The following RAP1A variants were observed in gnomAD, a reference collection of about 807,000 sequenced individuals.
The protein encoded by RAP1A is ras-related protein Rap-1A.
A neutral mutation model predicts 26.4 loss-of-function variants in RAP1A; 6 were observed. The ratio of observed to expected loss-of-function variants is 0.23; its 90% CI spans 0.12 to 0.45. The LOEUF is 0.45. RAP1A is among the 20% of genes least tolerant of loss of function. The pLI is 0.99. For missense variants in RAP1A, 121 were observed against 217.2 expected (o/e 0.56, Z 2.78); for synonymous variants, 73 against 79.4 (o/e 0.92, Z 0.43).
At chr1:111,685,355 A>T (rs1260073146) in intron 1 of RAP1A, among the ~76,000 whole-genome samples, 1 of 152,176 alleles carries the variant, frequency 6.6e-6, no homozygotes, top group Non-Finnish European at 1.5e-5. Flanking sequence ...AGAATGGGAG[A>T]AAATTTTTGC....
intron 1 of RAP1A, chr1:111,600,133 A>G (rs1327501334): frequency 6.6e-6 from 1 of 152,284 alleles, no homozygotes; most frequent in African/African-American, 2.4e-5. Flanking sequence ...ATCTTTTTAA[A>G]AAAGTTACTC....
At chr1:111,617,960 T>C (rs1056955929), upstream of RAP1A, among the ~76,000 whole-genome samples, 3 of 151,266 alleles carry the variant, frequency 2.0e-5, no homozygotes, top group African/African-American at 7.3e-5. Flanking sequence ...GGAGAATCGC[T>C]CGAACCAGGG....
intron 1 of RAP1A, among the ~76,000 whole-genome samples, chr1:111,630,851 C>A (rs1185178390): frequency 1.3e-5 from 2 of 152,154 alleles, no homozygotes; most frequent in Non-Finnish European, 2.9e-5. Context: ...ATCATTATTT[C>A]TCTTTATGGG....
At chr1:111,696,096 C>G (rs766963085) in intron 3 of RAP1A, among the ~76,000 whole-genome samples, 1 of 151,872 alleles carries the variant, frequency 6.6e-6, no homozygotes, top group African/African-American at 2.4e-5. Context: ...CTAATAAAGT[C>G]TATTTAAAAG....
intron 1 of RAP1A, among the ~76,000 whole-genome samples, chr1:111,656,127 A>G (rs1398933511): frequency 6.6e-6 from 1 of 152,216 alleles, no homozygotes; most frequent in Non-Finnish European, 1.5e-5. Flanking sequence ...TGACATGCCC[A>G]GCAAGAAGGA....
At chr1:111,624,472 TCTC>T (rs1659331658) in intron 1 of RAP1A, among the ~76,000 whole-genome samples, 1 of 152,228 alleles carries the variant, frequency 6.6e-6, no homozygotes, top group Non-Finnish European at 1.5e-5. Context: ...ATTCTCTCAG[TCTC>T]CTGCACACAG....
intron 1 of RAP1A, among the ~76,000 whole-genome samples, chr1:111,552,479 A>G (rs1201633326): frequency 1.3e-5 from 2 of 152,114 alleles, no homozygotes; most frequent in East Asian, 3.9e-4. Flanking sequence ...TTTTTGGCAA[A>G]TTTGTAGTTG....
At chr1:111,666,283 ACT>A (rs1660793290) in intron 1 of RAP1A, among the ~76,000 whole-genome samples, 1 of 152,090 alleles carries the variant, frequency 6.6e-6, no homozygotes, top group Non-Finnish European at 1.5e-5. Context: ...CAGAATGATG[ACT>A]CTTCTCAAAT....
chr1:111,685,465 A>G (rs1241148513), intron 1 of RAP1A, among the ~76,000 whole-genome samples: 2 of 152,252 alleles, frequency 1.3e-5, no homozygotes, highest in Admixed American at 6.5e-5. Context: ...TAGGCGAAAG[A>G]CATGAACAGA....
At chr1:111,623,441 C>T (rs1306708607) in intron 1 of RAP1A, among the ~76,000 whole-genome samples, 1 of 152,126 alleles carries the variant, frequency 6.6e-6, no homozygotes, top group African/African-American at 2.4e-5. Context: ...GAGTCTTGCT[C>T]TGTCACCCAG....
At chr1:111,688,941 TCTC>T (rs1557893293) in intron 1 of RAP1A, among the ~76,000 whole-genome samples, 1 of 151,832 alleles carries the variant, frequency 6.6e-6, no homozygotes, top group Admixed American at 6.6e-5. Flanking sequence ...CTCAAGGGGT[TCTC>T]CTACCTCAGC....
At chr1:111,689,415 G>A (rs1661600312) in intron 1 of RAP1A, among the ~76,000 whole-genome samples, 1 of 151,332 alleles carries the variant, frequency 6.6e-6, no homozygotes, top group African/African-American at 2.4e-5. Flanking sequence ...CTGTTGCTGT[G>A]TCTTCAGATC....
chr1:111,711,944 G>C (rs1342718116), intron 7 of RAP1A, among the ~76,000 whole-genome samples: 4 of 152,092 alleles, frequency 2.6e-5, no homozygotes, highest in Admixed American at 2.6e-4. Context: ...AGCTCTTTCT[G>C]TATCATCCCT....
intron 1 of RAP1A, among the ~76,000 whole-genome samples, chr1:111,668,491 C>A (rs1381680027): frequency 3.3e-5 from 5 of 152,098 alleles, no homozygotes. Context: ...GTTAATTAAT[C>A]CTCACAAAAA....
chr1:111,623,327 C>A (rs1659282000), intron 1 of RAP1A, among the ~76,000 whole-genome samples: 1 of 151,864 alleles, frequency 6.6e-6, no homozygotes, highest in South Asian at 2.1e-4. Flanking sequence ...TGGCTGGCAA[C>A]AAAGGAATTT....
At chr1:111,665,817 C>A (rs1660783676) in intron 1 of RAP1A, among the ~76,000 whole-genome samples, 1 of 152,100 alleles carries the variant, frequency 6.6e-6, no homozygotes, top group Non-Finnish European at 1.5e-5. Context: ...TAGAAGCATT[C>A]CCAGTATTAA....
At chr1:111,623,393 T>C (rs1260143658) in intron 1 of RAP1A, among the ~76,000 whole-genome samples, 1 of 151,796 alleles carries the variant, frequency 6.6e-6, no homozygotes, top group Non-Finnish European at 1.5e-5. Context: ...TTTAGAATAT[T>C]ATAGCTGTGA....
At chr1:111,624,253 A>T (rs1659321120) in intron 1 of RAP1A, among the ~76,000 whole-genome samples, 1 of 152,256 alleles carries the variant, frequency 6.6e-6, no homozygotes, top group Non-Finnish European at 1.5e-5. Flanking sequence ...AAAGATTAGC[A>T]TTAAACAAAA....
chr1:111,613,099 C>T (rs1467016010), intron 1 of RAP1A, among the ~76,000 whole-genome samples: 1 of 151,818 alleles, frequency 6.6e-6, no homozygotes, highest in East Asian at 1.9e-4. Context: ...CATAACAATA[C>T]CTCTACATCA....
Sources: allele counts gnomAD v4.1 joint callset (sites outside exome capture counted in the v4.1 genomes callset), GRCh38; gene constraint gnomAD v4.1.1; transcripts MANE v1.5; gene names NCBI Gene and HGNC (gene_info 2026-07-23, HGNC 2026-07-21).